The following UBQLN1 variants were observed in gnomAD, a reference collection of about 807,000 sequenced individuals.
UBQLN1 encodes ubiquilin-1.
In UBQLN1, 13 loss-of-function variants were observed where a neutral mutation model predicts 65.4. That is an observed-to-expected ratio of 0.20 (90% CI 0.13 to 0.32). The LOEUF is 0.32. Among genes scored for constraint, UBQLN1 ranks in the 10% least tolerant of loss-of-function variants. The pLI, the probability that UBQLN1 is intolerant of heterozygous loss-of-function variation, is 1.00. For missense variants in UBQLN1, 561 were observed against 724.0 expected (o/e 0.77, Z 2.58); for synonymous variants, 267 against 247.8 (o/e 1.08, Z -0.73).
intron 3 of UBQLN1, 73 bp from the exon 4 acceptor site, chr9:83,680,110 A>G: frequency 6.8e-7 from 1 of 1,479,702 alleles, no homozygotes; most frequent in South Asian, 1.4e-5. Context: ...TAAAATATGA[A>G]GATGCAAAAA....
intron 1 of UBQLN1, among the ~76,000 whole-genome samples, chr9:83,689,005 TCA>T (rs768077300): frequency 6.6e-6 from 1 of 152,250 alleles, no homozygotes. Flanking sequence ...TCTGGAGTAT[TCA>T]CAGACATGTG....
At chr9:83,701,558 T>G (rs1832310339) in intron 1 of UBQLN1, among the ~76,000 whole-genome samples, 1 of 152,122 alleles carries the variant, frequency 6.6e-6, no homozygotes, top group Non-Finnish European at 1.5e-5. Context: ...GCTGTCCAGT[T>G]TTCCTCAGAG....
chr9:83,669,059 A>G (rs527591172), intron 7 of UBQLN1, 126 bp downstream of exon 7: 6 of 1,124,494 alleles, frequency 5.3e-6, no homozygotes, highest in Non-Finnish European at 6.0e-6. Flanking sequence ...TTGGAGACAC[A>G]GTTTACTTAT....
chr9:83,668,071 G>A (rs926450751), intron 7 of UBQLN1: 16 of 985,128 alleles, frequency 1.6e-5, no homozygotes, highest in Non-Finnish European at 1.9e-5. Flanking sequence ...GCTTATTATG[G>A]TAAATTGAAG....
At chr9:83,688,861 CA>C (rs142002440) in intron 1 of UBQLN1, among the ~76,000 whole-genome samples, 141 of 130,420 alleles carry the variant, frequency 1.1e-3, no homozygotes, top group Non-Finnish European at 9.2e-4. Flanking sequence ...AACTCCGTTT[CA>C]AAAAAAAAAA....
rs144373682 is a variant in UBQLN1 at position 83,679,682 on chromosome 9, C to G, written c.711+93G>C. The G allele has an allele frequency of 8.8e-4, 1,197 of 1,354,604 alleles. 21 individuals are homozygous for G. The East Asian group carries it at 0.024, about 27-fold the overall frequency. The allele number at this position is 1,354,604 out of a possible 1,614,324, so 83.9% of individuals were successfully genotyped here. On this transcript the variant is annotated intron_variant, in intron 4 of 10. Transcript: ENST00000376395. ...ATAAGGATTTCTCTCTTTAGCTTAACCATACATACAGGACAATCTCATTAA... is the reference window on the plus strand; with the variant it reads ...ATAAGGATTTCTCTCTTTAGCTTAAGCATACATACAGGACAATCTCATTAA...
intron 1 of UBQLN1, among the ~76,000 whole-genome samples, chr9:83,691,263 GT>G: frequency 6.6e-6 from 1 of 152,192 alleles, no homozygotes; most frequent in Admixed American, 6.5e-5. Flanking sequence ...AGAGAACTTA[GT>G]TTTAGGTAGC....
chr9:83,700,120 A>T (rs983721268), intron 1 of UBQLN1, among the ~76,000 whole-genome samples: 8 of 152,248 alleles, frequency 5.3e-5, no homozygotes, highest in African/African-American at 1.9e-4. Context: ...ATTCATTATG[A>T]ACCATCTTTG....
At chr9:83,669,160 T>G (rs372160412) in intron 7 of UBQLN1, 25 bp downstream of exon 7, 4 of 1,596,264 alleles carry the variant, frequency 2.5e-6, no homozygotes, top group Non-Finnish European at 3.4e-6. Flanking sequence ...CTGCACAGTC[T>G]TTTTCAATAC....
At chr9:83,678,085 G>T in intron 5 of UBQLN1, 124 bp from the exon 6 acceptor site, 1 of 738,492 alleles carries the variant, frequency 1.4e-6, no homozygotes, top group Non-Finnish European at 2.1e-6. Flanking sequence ...GCAGTGGCGC[G>T]ATCTCGGCTC....
At chr9:83,682,474 G>A (rs1307854332) in intron 3 of UBQLN1, among the ~76,000 whole-genome samples, 4 of 144,120 alleles carry the variant, frequency 2.8e-5, no homozygotes, top group African/African-American at 1.0e-4. Context: ...GCAAGATCCT[G>A]CCTCTCTTAA....
chr9:83,668,706 T>C (rs1831682438), intron 7 of UBQLN1: 1 of 886,442 alleles, frequency 1.1e-6, no homozygotes, highest in Non-Finnish European at 1.4e-6. Flanking sequence ...GAATCAATAG[T>C]TGAAAGAAGG....
chr9:83,705,831 T>TG (rs1205311180), intron 1 of UBQLN1, among the ~76,000 whole-genome samples: 5 of 150,566 alleles, frequency 3.3e-5, no homozygotes, highest in Admixed American at 6.6e-5. Flanking sequence ...TTATGCTGAG[T>TG]GGGAAAAAAA....
chr9:83,697,214 A>T (rs1587661737), intron 1 of UBQLN1, among the ~76,000 whole-genome samples: 1 of 150,564 alleles, frequency 6.6e-6, no homozygotes, highest in Admixed American at 6.6e-5. Flanking sequence ...GAATTTGATC[A>T]CATTATTAAT....
At chr9:83,666,319 C>A in intron 8 of UBQLN1, 31 bp downstream of exon 8, 1 of 1,603,392 alleles carries the variant, frequency 6.2e-7, no homozygotes. Flanking sequence ...CAAATCATTA[C>A]CCAAGATAGC....
intron 2 of UBQLN1, 28 bp from the exon 3 acceptor site, chr9:83,683,094 A>T (rs1831973641): frequency 6.7e-7 from 1 of 1,490,730 alleles, no homozygotes; most frequent in Non-Finnish European, 9.3e-7. Flanking sequence ...TCACAGAGTA[A>T]GCAGTAGAGC....
chr9:83,705,145 G>A (rs764499131), intron 1 of UBQLN1, among the ~76,000 whole-genome samples: 1 of 152,128 alleles, frequency 6.6e-6, no homozygotes, highest in Non-Finnish European at 1.5e-5. Context: ...CAAAATGTTA[G>A]CAGGGATATG....
At chr9:83,679,705 T>A in intron 4 of UBQLN1, 70 bp downstream of exon 4, 1 of 1,524,388 alleles carries the variant, frequency 6.6e-7, no homozygotes, top group Non-Finnish European at 8.9e-7. Flanking sequence ...ACAATCTCAT[T>A]AACCACAGAA....
At chr9:83,695,520 T>G (rs773851286) in intron 1 of UBQLN1, among the ~76,000 whole-genome samples, 1 of 152,186 alleles carries the variant, frequency 6.6e-6, no homozygotes, top group Non-Finnish European at 1.5e-5. Context: ...CTTTTCAACA[T>G]CATTTGAATT....
Sources: allele counts gnomAD v4.1 joint callset (sites outside exome capture counted in the v4.1 genomes callset), GRCh38; gene constraint gnomAD v4.1.1; transcripts MANE v1.5; gene names NCBI Gene and HGNC (gene_info 2026-07-23, HGNC 2026-07-21).